The following MAPKBP1 variants were observed in gnomAD, a reference collection of about 807,000 sequenced individuals.
MAPKBP1 encodes mitogen-activated protein kinase-binding protein 1.
Under a neutral mutation model 170.5 loss-of-function variants are expected in MAPKBP1, and 71 were observed. The observed-to-expected ratio is 0.42, with a 90% confidence interval of 0.34 to 0.51. MAPKBP1 has a LOEUF of 0.51. Ranked by LOEUF, MAPKBP1 falls within the 20% of genes least tolerant of loss-of-function variation. MAPKBP1 has a pLI of 0.06. For missense variants in MAPKBP1, 1,598 were observed against 1,933.0 expected (o/e 0.83, Z 3.25); for synonymous variants, 719 against 757.9 (o/e 0.95, Z 0.84).
At chr15:41,803,882 C>G (rs1789865149) in intron 3 of MAPKBP1, among the ~76,000 whole-genome samples, 2 of 151,882 alleles carry the variant, frequency 1.3e-5, no homozygotes, top group South Asian at 4.1e-4. Context: ...TTCTTCTTGC[C>G]CAGGCTGGAG....
At position 41,818,115 on chromosome 15, in the gene MAPKBP1, G is replaced by C; in HGVS notation, c.1980+31G>C. 6.2e-7 allele frequency: 1 copy of C among 1,612,546 alleles called. No homozygotes were observed. The highest frequency in any genetic ancestry group is 8.5e-7 in the Non-Finnish European group (1 of 1,178,560). Reference sequence around the variant, plus strand: ...GACCCAGAGGGGGTACTGGACAGGGGCTCGGGGACAGAGTGGTGCTGGGTG... The same window carrying C: ...GACCCAGAGGGGGTACTGGACAGGGCCTCGGGGACAGAGTGGTGCTGGGTG... On this transcript the variant is annotated intron_variant, in intron 17 of 30. Coordinates refer to ENST00000457542, the MANE Select transcript of MAPKBP1 (RefSeq NM_014994.3). This position sits in a 1 kb window ranked among gnomAD's most constrained non-coding sequence, Gnocchi z 5.2.
At position 41,815,317 on chromosome 15, in the gene MAPKBP1, C is replaced by T. The variant is rs755072633; in HGVS notation, c.1229C>T (p.Thr410Ile). 6.2e-7 allele frequency: 1 copy of T among 1,614,180 alleles called. No homozygotes were observed. The highest frequency in any genetic ancestry group is 1.3e-5 in the African/African-American group (1 of 75,024). The part of the protein sequence containing the change: ...QACLPPSSFI[T>I]CSSDNTIRLW... Reference sequence around the variant, plus strand: ...TGCCTGCCCCCCAGTTCCTTTATTACCTGCTCCTCAGACAACACCATCCGC... The same window carrying T: ...TGCCTGCCCCCCAGTTCCTTTATTATCTGCTCCTCAGACAACACCATCCGC... The change falls in exon 11 of 31, where the codon ACC (threonine) becomes ATC (isoleucine). Residue 410 changes from threonine to isoleucine, a missense_variant. By Grantham distance (89) the Thr-to-Ile change is moderately conservative (BLOSUM62 -1). Around this residue, in one of 6 missense-constraint regions of MAPKBP1, gnomAD observed 430 missense variants for 617.2 expected, o/e 0.70. Transcript: ENST00000457542.
Position 41,784,839 on chromosome 15 carries a change from G to A in MAPKBP1, c.114+9450G>A, listed in dbSNP as rs146534823. Among the ~76,000 whole-genome samples the A allele has an allele frequency of 6.5e-3, 904 of 139,496 alleles. 4 individuals are homozygous for A. Among genetic ancestry groups the A allele is most frequent in the Middle Eastern group, 0.016 (4 of 246 alleles). The allele number at this position is 139,496 out of a possible 152,430, so 91.5% of individuals were successfully genotyped here. ...TTTGGGAGACCAAGGCGAGCAGATC[G>A]TTTGAGTCCCAGAGTTCAAGACCAG... On this transcript the variant is annotated intron_variant, in intron 2 of 30. Coordinates refer to ENST00000457542, the MANE Select transcript of MAPKBP1 (RefSeq NM_014994.3).
chr15:41,786,763 T>TAAAAAAAAAAAA (rs1232815975), intron 2 of MAPKBP1, among the ~76,000 whole-genome samples: 2 of 30,620 alleles, frequency 6.5e-5, no homozygotes, highest in Non-Finnish European at 1.1e-4. Flanking sequence ...AGACTCCGTC[T>TAAAAAAAAAAAA]AAAAAAAAAA....
rs2065125154 is a variant in MAPKBP1, at chr15:41,827,306, A to C, written c.*1870A>C. The C allele has an allele frequency of 6.6e-6, 1 of 151,946 alleles. No individual in the cohort carries two copies. Among genetic ancestry groups the C allele is most frequent in the Non-Finnish European group, 1.5e-5 (1 of 68,008 alleles). 9.4% of individuals were successfully genotyped at this position (151,946 alleles called of 1,614,324 possible). ...CAAAGCTACACGCCATCTCAAAAAA[A>C]AAAAAGAAAAAGGGTTACAAAAGGT... On this transcript the variant is annotated 3_prime_UTR_variant, in exon 31 of 31. Coordinates refer to ENST00000457542, the MANE Select transcript of MAPKBP1 (RefSeq NM_014994.3).
intron 9 of MAPKBP1, 114 bp downstream of exon 9, chr15:41,813,895 G>GGC: frequency 8.0e-7 from 1 of 1,245,232 alleles, no homozygotes. Flanking sequence ...AGATTATTGG[G>GGC]AACACCTCTT....
chr15:41,786,777 A>AAAAAAAAAAAATAT, intron 2 of MAPKBP1, among the ~76,000 whole-genome samples: 3 of 32,470 alleles, frequency 9.2e-5, no homozygotes, highest in African/African-American at 1.3e-4. Context: ...AAAAAAAAAA[A>AAAAAAAAAAAATAT]ATATATATAT....
intron 12 of MAPKBP1, 101 bp from the exon 13 acceptor site, chr15:41,816,458 C>CA: frequency 5.1e-6 from 4 of 788,386 alleles, no homozygotes; most frequent in African/African-American, 1.7e-5. Flanking sequence ...CCTAAAAGTT[C>CA]AAAAAAAGGA....
In MAPKBP1 at chr15:41,823,881, A is replaced by G; in HGVS notation, c.4033A>G (p.Thr1345Ala). ...GAGATGGGCCTGTTTGGGGGAGGGC[A>G]CCACTCCCAAGCCTAGGACAGAGTG... ...TERWACLGEG[T>A]TPKPRTECQA... The change falls in exon 29 of 31, where the codon ACC (threonine) becomes GCC (alanine). Residue 1345 changes from threonine to alanine, a missense_variant. By Grantham distance (58) the Thr-to-Ala change is moderately conservative. This residue lies in a region of MAPKBP1 where 942 missense variants were observed against 953.2 expected (regional missense o/e 0.99). Transcript: ENST00000457542. 6.2e-7 allele frequency: 1 copy of G among 1,614,128 alleles called. No homozygotes were observed. The highest frequency in any genetic ancestry group is 2.2e-5 in the East Asian group (1 of 44,870).
In MAPKBP1 at chr15:41,825,377, G is replaced by T; in HGVS notation, c.4468G>T (p.Glu1490Ter). ...VGAEQTQALL[E>*]QYSELLLRAV... Reference sequence around the variant, plus strand: ...AGCCGAGCAGACACAGGCCCTGCTGGAGCAATACTCAGAACTGTTGCTTCG... The same window carrying T: ...AGCCGAGCAGACACAGGCCCTGCTGTAGCAATACTCAGAACTGTTGCTTCG... Residue 1490 changes from glutamate to a stop codon, truncating the protein, a stop_gained, in exon 31 of 31, where the codon GAG (glutamate) becomes TAG (stop). Transcript: ENST00000457542. LOFTEE classifies it high-confidence loss of function. The T allele has an allele frequency of 6.2e-7, 1 of 1,613,528 alleles. No homozygotes were observed. Among genetic ancestry groups the T allele is most frequent in the Non-Finnish European group, 8.5e-7 (1 of 1,179,984 alleles).
At chr15:41,797,174 T>C (rs1055868197) in intron 2 of MAPKBP1, among the ~76,000 whole-genome samples, 2 of 152,204 alleles carry the variant, frequency 1.3e-5, no homozygotes, top group Non-Finnish European at 2.9e-5. Context: ...ACAAAACACC[T>C]ACCCAAATTC....
At chr15:41,802,470 ATCTT>A (rs967254244) in intron 3 of MAPKBP1, among the ~76,000 whole-genome samples, 1 of 152,030 alleles carries the variant, frequency 6.6e-6, no homozygotes, top group African/African-American at 2.4e-5. Flanking sequence ...ATACAAAAAT[ATCTT>A]TCTTTTATCT....
intron 3 of MAPKBP1, 50 bp downstream of exon 3, chr15:41,799,964 C>A (rs766694004): frequency 6.7e-7 from 1 of 1,491,278 alleles, no homozygotes; most frequent in East Asian, 2.3e-5. Context: ...TTTATAGCCA[C>A]GCTAGAGCAG....
chr15:41,822,589 G>A lies in MAPKBP1; in HGVS notation c.3230-4G>A, dbSNP rs1416272755. On this transcript the variant is annotated splice_polypyrimidine_tract_variant and splice_region_variant and intron_variant, in intron 26 of 30. Coordinates refer to ENST00000457542, the MANE Select transcript of MAPKBP1 (RefSeq NM_014994.3). ...CCAATTCATGATTTCTCTGACCTTG[G>A]TAGGGGCCCCAGTGCAGGTCCCAGA... The A allele has an allele frequency of 6.2e-7, 1 of 1,613,790 alleles. No individual in the cohort carries two copies. The highest frequency in any genetic ancestry group is 8.5e-7 in the Non-Finnish European group (1 of 1,179,832).
chr15:41,821,734 C>A lies in MAPKBP1; in HGVS notation c.2869C>A (p.Pro957Thr). The A allele has an allele frequency of 1.2e-6, 2 of 1,613,962 alleles. No homozygotes were observed. The highest frequency in any genetic ancestry group is 1.7e-6 in the Non-Finnish European group (2 of 1,179,996). The change falls in exon 24 of 31, where the codon CCC becomes ACC. Residue 957 changes from proline (P) to threonine (T), a missense_variant. By Grantham distance (38) the Pro-to-Thr change is conservative. Coordinates refer to ENST00000457542, the MANE Select transcript of MAPKBP1 (RefSeq NM_014994.3). ...TGTCTACCCGGAGCCGAGTGACAAC[C>A]CCACCATGGATACCAGGCAAGGATC... is the stretch of plus-strand genomic sequence containing the variant. ...GIVYPEPSDN[P>T]TMDTSEFQVQ...
At chr15:41,809,285 A>AT (rs1567146544) in intron 3 of MAPKBP1, among the ~76,000 whole-genome samples, 1 of 152,012 alleles carries the variant, frequency 6.6e-6, no homozygotes, top group Non-Finnish European at 1.5e-5. Flanking sequence ...GGAAAAAAAA[A>AT]CAGGAAGAGT....
chr15:41,779,550 G>C (rs2064150202), intron 2 of MAPKBP1, among the ~76,000 whole-genome samples: 2 of 152,024 alleles, frequency 1.3e-5, no homozygotes, highest in African/African-American at 4.8e-5. Context: ...TTACGATGTT[G>C]CTCAGGCTGG....
intron 2 of MAPKBP1, among the ~76,000 whole-genome samples, chr15:41,796,087 T>C (rs935844666): frequency 6.6e-6 from 1 of 152,146 alleles, no homozygotes; most frequent in Non-Finnish European, 1.5e-5. Flanking sequence ...GGGAACAAAC[T>C]GTGATTTGGA....
intron 4 of MAPKBP1, 29 bp from the exon 5 acceptor site, chr15:41,811,149 C>A: frequency 6.2e-7 from 1 of 1,613,006 alleles, no homozygotes. Flanking sequence ...GCTGCCAGTG[C>A]CCCTCTGAGC....
Sources: gnomAD v4.1 joint callset for allele counts (sites outside exome capture counted in the v4.1 genomes callset) on GRCh38, gnomAD v4.1.1 for gene constraint, gnomAD v4.1.1 regional missense constraint, Gnocchi (gnomAD v3.1) non-coding constraint, MANE v1.5 for transcripts, NCBI Gene and HGNC (gene_info 2026-07-23, HGNC 2026-07-21) for gene names.